ATXN7: variants seen among roughly 807,000 people sequenced by gnomAD.
ATXN7 encodes the protein ataxin-7.
In ATXN7, 12 loss-of-function variants were observed where a neutral mutation model predicts 70.5. That is an observed-to-expected ratio of 0.17 (90% CI 0.11 to 0.28). The LOEUF (loss-of-function observed/expected upper bound fraction) is 0.28, where lower values mean the gene tolerates loss of function less well. ATXN7 is among the 10% of genes least tolerant of loss of function. The probability of loss-of-function intolerance (pLI) is 1.00; values close to 1 mark genes in which losing one functional copy is unlikely to be tolerated. For synonymous variants in ATXN7, 498 were observed against 448.7 expected, an observed-to-expected ratio of 1.11 and a Z score of -1.39; for missense variants, 1,256 against 1,131.7, an observed-to-expected ratio of 1.11 and a Z score of -1.58.
intron 4 of ATXN7, among the ~76,000 whole-genome samples, chr3:63,930,398 T>C (rs1704901548): frequency 6.6e-6 from 1 of 152,198 alleles, no homozygotes; most frequent in Admixed American, 6.5e-5. Context: ...GATCCCTTTG[T>C]GTGTAGCCCC....
chr3:63,978,751 G>A (rs1268305153), intron 5 of ATXN7, among the ~76,000 whole-genome samples: 5 of 152,148 alleles, frequency 3.3e-5, no homozygotes, highest in Admixed American at 2.6e-4. Context: ...TCCTGATGTG[G>A]AACACACAGT....
upstream of ATXN7, chr3:63,863,685 C>G: frequency 2.2e-5 from 27 of 1,238,758 alleles, no homozygotes; most frequent in Non-Finnish European, 2.6e-5. Context: ...CCGAGGGGTT[C>G]CCGGAAGCGG....
intron 1 of ATXN7, among the ~76,000 whole-genome samples, chr3:63,879,260 T>G (rs1487245337): frequency 6.6e-6 from 1 of 152,204 alleles, no homozygotes; most frequent in East Asian, 1.9e-4. Flanking sequence ...ATCTGAACAG[T>G]TCTCAGAAGA....
chr3:63,926,494 C>T (rs1704720262), intron 4 of ATXN7, among the ~76,000 whole-genome samples: 1 of 152,096 alleles, frequency 6.6e-6, no homozygotes, highest in African/African-American at 2.4e-5. Flanking sequence ...TGAAGAACAG[C>T]AGGGGGCGGA....
At chr3:63,907,226 G>C (rs1247618818) in intron 2 of ATXN7, among the ~76,000 whole-genome samples, 1 of 152,186 alleles carries the variant, frequency 6.6e-6, no homozygotes, top group Non-Finnish European at 1.5e-5. Context: ...GCTCGTAGTG[G>C]TAGAAGTGGG....
At chr3:63,905,955 T>C (rs1703824523) in intron 2 of ATXN7, 1 of 152,206 alleles carries the variant, frequency 6.6e-6, no homozygotes, top group South Asian at 2.1e-4. Flanking sequence ...ATTGTGTGTT[T>C]CTAGGAAGAA....
intron 1 of ATXN7, among the ~76,000 whole-genome samples, chr3:63,886,075 A>G (rs572817064): frequency 6.6e-5 from 10 of 152,294 alleles, no homozygotes; most frequent in African/African-American, 2.4e-4. Context: ...GTTCAGCTTT[A>G]AAAAAGAAGG....
chr3:63,947,371 A>G lies in ATXN7; in HGVS notation c.395-5008A>G, dbSNP rs1160876188. Among the ~76,000 whole-genome samples, 3 of 152,050 alleles carry G rather than the reference A, an allele frequency of 2.0e-5. No individual in the cohort carries two copies. In the East Asian group the frequency reaches 5.8e-4, roughly 29 times the overall value. On this transcript the variant is annotated intron_variant, in intron 4 of 12. Transcript: ENST00000674280. ...GAGGCCAAGGTGGGAGGATCACTTG[A>G]CCCAGGAGTTTGAGACCATTCTGGG...
chr3:63,883,781 C>T (rs1287350607), intron 1 of ATXN7, among the ~76,000 whole-genome samples: 1 of 152,012 alleles, frequency 6.6e-6, no homozygotes, highest in Non-Finnish European at 1.5e-5. Context: ...AAATAGGATA[C>T]CTTATTGCAT....
rs977177207 is a variant in ATXN7, at chr3:63,908,913, C to T, written c.-11-3675C>T. 2.0e-5 allele frequency among the ~76,000 whole-genome samples: 3 copies of T among 152,260 alleles called. No individual in the cohort carries two copies. The South Asian group carries it at 6.2e-4, about 32-fold the overall frequency. ...ATGTCCTTGGAAGGGATGAAATGCA[C>T]AGAATTAGCAGTACTTCACCTCTGA... On this transcript the variant is annotated intron_variant, in intron 2 of 12. Transcript: ENST00000674280.
intron 5 of ATXN7, among the ~76,000 whole-genome samples, chr3:63,969,901 G>C (rs1470960308): frequency 1.3e-5 from 2 of 152,138 alleles, no homozygotes; most frequent in Non-Finnish European, 2.9e-5. Context: ...TATACCTGAG[G>C]TATAGAAACA....
At chr3:63,952,833 G>T (rs1040204599) in intron 5 of ATXN7, among the ~76,000 whole-genome samples, 1 of 77,784 alleles carries the variant, frequency 1.3e-5, no homozygotes, top group Non-Finnish European at 2.3e-5. Flanking sequence ...GGATGCATGG[G>T]CCTTTTTTTT....
At chr3:63,911,002 T>C (rs542886054) in intron 2 of ATXN7, among the ~76,000 whole-genome samples, 172 of 152,128 alleles carry the variant, frequency 1.1e-3, no homozygotes, top group Non-Finnish European at 1.8e-3. Context: ...ACAAAGAAGT[T>C]GGCTACCTCT....
chr3:63,937,879 G>T (rs1314855057), intron 4 of ATXN7, among the ~76,000 whole-genome samples: 1 of 152,152 alleles, frequency 6.6e-6, no homozygotes, highest in Non-Finnish European at 1.5e-5. Flanking sequence ...GTTAAGAATG[G>T]TACCTATACT....
chr3:63,906,364 T>C (rs1703839262), intron 2 of ATXN7, among the ~76,000 whole-genome samples: 1 of 152,206 alleles, frequency 6.6e-6, no homozygotes, highest in South Asian at 2.1e-4. Context: ...CCTCTTATAC[T>C]AACACACCTG....
At chr3:63,951,904 T>C (rs1031157879) in intron 4 of ATXN7, among the ~76,000 whole-genome samples, 4 of 152,158 alleles carry the variant, frequency 2.6e-5, no homozygotes, top group African/African-American at 9.7e-5. Context: ...TTAAAATAAT[T>C]TTCTTTATAT....
intron 1 of ATXN7, among the ~76,000 whole-genome samples, chr3:63,886,997 G>T (rs1364244001): frequency 6.6e-6 from 1 of 152,138 alleles, no homozygotes; most frequent in Admixed American, 6.5e-5. Context: ...TCAGAGGGTA[G>T]GAGAAATGAA....
intron 2 of ATXN7, among the ~76,000 whole-genome samples, chr3:63,909,812 C>T (rs2107288088): frequency 6.6e-6 from 1 of 152,316 alleles, no homozygotes; most frequent in East Asian, 1.9e-4. Context: ...AAATGCCCGT[C>T]AATCTCTTGT....
intron 5 of ATXN7, among the ~76,000 whole-genome samples, chr3:63,962,395 G>A (rs1351329630): frequency 6.6e-6 from 1 of 151,782 alleles, no homozygotes; most frequent in Non-Finnish European, 1.5e-5. Flanking sequence ...TATTAAAAAG[G>A]TCGTTAGAAC....
Sources: gnomAD v4.1 joint callset for allele counts (sites outside exome capture counted in the v4.1 genomes callset) on GRCh38, gnomAD v4.1.1 for gene constraint, MANE v1.5 for transcripts, NCBI Gene and HGNC (gene_info 2026-07-23, HGNC 2026-07-21) for gene names.